Variants in SGMS1 observed in about 807,000 individuals in gnomAD.
SGMS1 encodes the protein phosphatidylcholine:ceramide cholinephosphotransferase 1.
Under a neutral mutation model 46.2 loss-of-function variants are expected in SGMS1, and 13 were observed. The ratio of observed to expected loss-of-function variants is 0.28; its 90% CI spans 0.18 to 0.45. The LOEUF is 0.45. SGMS1 is among the 20% of genes least tolerant of loss of function. SGMS1 has a pLI of 1.00. For synonymous variants in SGMS1, 203 were observed against 187.8 expected (o/e 1.08, Z -0.66); for missense variants, 324 against 519.9 (o/e 0.62, Z 3.66).
At chr10:50,346,356 T>TA (rs1218732790) in intron 6 of SGMS1, among the ~76,000 whole-genome samples, 12 of 152,078 alleles carry the variant, frequency 7.9e-5, no homozygotes, top group African/African-American at 1.9e-4. Flanking sequence ...CATCTCACTA[T>TA]AAAAAAAACT....
intron 3 of SGMS1, among the ~76,000 whole-genome samples, chr10:50,495,264 A>T (rs1386609509): frequency 3.5e-5 from 3 of 84,698 alleles, no homozygotes; most frequent in African/African-American, 1.3e-4. Flanking sequence ...AAAGTTAAGA[A>T]AAAAAAAAAA....
chr10:50,611,294 G>C (rs1838746946), intron 1 of SGMS1, among the ~76,000 whole-genome samples: 1 of 152,200 alleles, frequency 6.6e-6, no homozygotes, highest in Non-Finnish European at 1.5e-5. Flanking sequence ...ACTGCAGAAT[G>C]CAACCCTGTA....
intron 5 of SGMS1, among the ~76,000 whole-genome samples, chr10:50,456,147 C>A (rs1190827600): frequency 2.0e-5 from 3 of 152,162 alleles, no homozygotes; most frequent in Admixed American, 6.5e-5. Context: ...ATAGGATCTA[C>A]AATGCCCCAG....
chr10:50,338,734 C>G (rs1847758392), intron 7 of SGMS1, among the ~76,000 whole-genome samples: 1 of 151,436 alleles, frequency 6.6e-6, no homozygotes, highest in African/African-American at 2.4e-5. Flanking sequence ...ACCTGGACTA[C>G]TGCAATGGCA....
At chr10:50,371,719 TCCTCTC>T in intron 6 of SGMS1, among the ~76,000 whole-genome samples, 1 of 152,172 alleles carries the variant, frequency 6.6e-6, no homozygotes, top group Non-Finnish European at 1.5e-5. Flanking sequence ...TCTCTGAGCA[TCCTCTC>T]TGACTTAGTA....
chr10:50,389,074 T>A (rs568077710), intron 6 of SGMS1, among the ~76,000 whole-genome samples: 1 of 152,348 alleles, frequency 6.6e-6, no homozygotes, highest in South Asian at 2.1e-4. Flanking sequence ...ACTATCTATA[T>A]GTAGCCTATA....
intron 6 of SGMS1, among the ~76,000 whole-genome samples, chr10:50,400,798 T>C (rs902138702): frequency 2.0e-5 from 3 of 152,158 alleles, no homozygotes; most frequent in South Asian, 2.1e-4. Context: ...GTGACCAGAA[T>C]GTATCAGGCA....
rs1482912288 is a variant in SGMS1, at chr10:50,344,041, C to G, written c.74G>C (p.Cys25Ser). ...WLLENAMPEY[C>S]EPLEHFTGQD... ...GCCTGTGAAATGCTCCAGAGGCTCA[C>G]AGTATTCTGGCATAGCATTCTCCAG... Residue 25 changes from cysteine (C) to serine (S), a missense_variant, in exon 7 of 11, where the codon TGT becomes TCT. Physicochemically the swap from Cys to Ser is moderately radical, Grantham distance 112. Around this residue, in one of 2 missense-constraint regions of SGMS1, gnomAD observed 150 missense variants for 169.8 expected, o/e 0.88. Coordinates refer to ENST00000361781, the MANE Select transcript of SGMS1 (RefSeq NM_147156.4). The G allele has an allele frequency of 1.2e-6, 2 of 1,614,172 alleles. No homozygotes were observed. The highest frequency in any genetic ancestry group is 2.2e-5 in the South Asian group (2 of 91,080).
chr10:50,523,033 G>A (rs567168320), intron 2 of SGMS1, among the ~76,000 whole-genome samples: 4 of 152,214 alleles, frequency 2.6e-5, no homozygotes, highest in East Asian at 1.9e-4. Flanking sequence ...ATATCACAGC[G>A]GGGAAAGTGT....
At chr10:50,519,490 T>C (rs1314995018) in intron 3 of SGMS1, among the ~76,000 whole-genome samples, 1 of 152,208 alleles carries the variant, frequency 6.6e-6, no homozygotes, top group Non-Finnish European at 1.5e-5. Context: ...CTACCTGGTT[T>C]ATGTGACTTC....
chr10:50,411,648 T>C (rs970692566), intron 6 of SGMS1, among the ~76,000 whole-genome samples: 13 of 152,250 alleles, frequency 8.5e-5, no homozygotes, highest in South Asian at 6.2e-4. Flanking sequence ...TGGTCACTGG[T>C]TCCACCTGAA....
intron 3 of SGMS1, among the ~76,000 whole-genome samples, chr10:50,479,219 T>G (rs1231503631): frequency 6.6e-6 from 1 of 152,020 alleles, no homozygotes; most frequent in African/African-American, 2.4e-5. Flanking sequence ...GCTCTTGGGT[T>G]CTCTCCATTG....
chr10:50,436,266 G>A (rs1352795114), intron 5 of SGMS1, among the ~76,000 whole-genome samples: 2 of 151,994 alleles, frequency 1.3e-5, no homozygotes, highest in African/African-American at 2.4e-5. Context: ...CACCATGCCC[G>A]GCTAATTTTT....
intron 5 of SGMS1, among the ~76,000 whole-genome samples, chr10:50,439,253 G>A (rs1021429031): frequency 1.3e-5 from 2 of 152,122 alleles, no homozygotes; most frequent in African/African-American, 4.8e-5. Flanking sequence ...GACAAATCAA[G>A]TAACAATCAT....
At chr10:50,402,130 A>G (rs1564902849) in intron 6 of SGMS1, among the ~76,000 whole-genome samples, 1 of 152,108 alleles carries the variant, frequency 6.6e-6, no homozygotes, top group Non-Finnish European at 1.5e-5. Context: ...CAAAAGCCTA[A>G]TTAATGGCAT....
intron 5 of SGMS1, among the ~76,000 whole-genome samples, chr10:50,458,339 CTTTTT>C (rs750349777): frequency 0.012 from 1,171 of 96,994 alleles, no homozygotes; most frequent in East Asian, 0.035. Context: ...TTCTTTTTCT[CTTTTT>C]TTTTTTTTTT....
intron 6 of SGMS1, among the ~76,000 whole-genome samples, chr10:50,394,018 C>T (rs2133517069): frequency 6.6e-6 from 1 of 152,282 alleles, no homozygotes; most frequent in East Asian, 1.9e-4. Flanking sequence ...ATAGATACCA[C>T]AAAAGGAGTG....
At chr10:50,562,133 C>T (rs1838241921) in intron 2 of SGMS1, among the ~76,000 whole-genome samples, 1 of 152,028 alleles carries the variant, frequency 6.6e-6, no homozygotes, top group South Asian at 2.1e-4. Context: ...CTTTAAAAGT[C>T]CCAGTTTCTC....
chr10:50,606,812 C>A (rs1838701273), intron 1 of SGMS1, among the ~76,000 whole-genome samples: 1 of 152,116 alleles, frequency 6.6e-6, no homozygotes, highest in Non-Finnish European at 1.5e-5. Context: ...CTGTTAGTAT[C>A]CAAAGACTCA....
Sources: gnomAD v4.1 joint callset for allele counts (sites outside exome capture counted in the v4.1 genomes callset) on GRCh38, gnomAD v4.1.1 for gene constraint, gnomAD v4.1.1 regional missense constraint, MANE v1.5 for transcripts, NCBI Gene and HGNC (gene_info 2026-07-23, HGNC 2026-07-21) for gene names.